ZNF804B: variants seen among roughly 807,000 people sequenced by gnomAD.
The protein encoded by ZNF804B is zinc finger protein 804B.
Under a neutral mutation model 101.4 loss-of-function variants are expected in ZNF804B, and 80 were observed. That is an observed-to-expected ratio of 0.79 (90% confidence interval 0.66 to 0.95). The LOEUF is 0.95. ZNF804B is among the 40% of genes least tolerant of loss of function. The probability of loss-of-function intolerance (pLI) is 0.00; values close to 1 mark genes in which losing one functional copy is unlikely to be tolerated. For synonymous variants in ZNF804B, 622 were observed against 558.8 expected, an observed-to-expected ratio of 1.11 and a Z score of -1.59; for missense variants, 1,673 against 1,561.9, an observed-to-expected ratio of 1.07 and a Z score of -1.20.
chr7:88,938,577 G>A (rs1793007520), intron 1 of ZNF804B, among the ~76,000 whole-genome samples: 1 of 151,886 alleles, frequency 6.6e-6, no homozygotes, highest in African/African-American at 2.4e-5. Flanking sequence ...TGATTTGTAG[G>A]GCATGACTCC....
chr7:89,026,288 G>A (rs985633645), intron 1 of ZNF804B, among the ~76,000 whole-genome samples: 1 of 152,136 alleles, frequency 6.6e-6, no homozygotes, highest in African/African-American at 2.4e-5. Context: ...GAATGGAACG[G>A]GGTTGCCCAT....
chr7:88,955,248 T>C (rs1584037299), intron 1 of ZNF804B, among the ~76,000 whole-genome samples: 1 of 151,746 alleles, frequency 6.6e-6, no homozygotes, highest in South Asian at 2.1e-4. Flanking sequence ...AAAATGAGTT[T>C]TTAAAGGATA....
intron 2 of ZNF804B, among the ~76,000 whole-genome samples, chr7:89,291,651 G>T (rs1406008946): frequency 6.6e-6 from 1 of 152,126 alleles, no homozygotes; most frequent in African/African-American, 2.4e-5. Flanking sequence ...CCTCAGAGGG[G>T]CAAGTCTAAA....
intron 1 of ZNF804B, among the ~76,000 whole-genome samples, chr7:88,885,837 C>T (rs1193380818): frequency 1.3e-5 from 2 of 151,794 alleles, no homozygotes. Flanking sequence ...AATCACCATA[C>T]ATTGTGTGCA....
rs1562812535 is a variant in ZNF804B at position 88,854,410 on chromosome 7, T to TTC, written c.108+94326_108+94327insTC. Among the ~76,000 whole-genome samples the TTC allele has an allele frequency of 6.4e-4, 85 of 132,670 alleles. 1 individual carries two copies. Among genetic ancestry groups the TTC allele is most frequent in the African/African-American group, 2.5e-3 (83 of 32,850 alleles). The allele number at this position is 132,670 out of a possible 152,430, so 87.0% of individuals were successfully genotyped here. ...GCATTTCTTTCTTTCTTTCTTTCTT[T>TTC]CTTCCTTTCTTTCTTTCTTTCTTTC... On this transcript the variant is annotated intron_variant, in intron 1 of 3. Coordinates refer to ENST00000333190, the MANE Select transcript of ZNF804B (RefSeq NM_181646.5).
chr7:89,067,937 T>C (rs1789479559), intron 1 of ZNF804B, among the ~76,000 whole-genome samples: 1 of 150,458 alleles, frequency 6.6e-6, no homozygotes, highest in African/African-American at 2.5e-5. Flanking sequence ...GCCTCACGAG[T>C]AGCTGGGACT....
intron 1 of ZNF804B, among the ~76,000 whole-genome samples, chr7:88,853,921 G>A (rs2115834348): frequency 6.6e-6 from 1 of 152,162 alleles, no homozygotes; most frequent in South Asian, 2.1e-4. Context: ...CTAATGATAA[G>A]ATTAAAACGT....
intron 2 of ZNF804B, among the ~76,000 whole-genome samples, chr7:89,260,925 G>A (rs1417316614): frequency 6.6e-6 from 1 of 152,104 alleles, no homozygotes; most frequent in Non-Finnish European, 1.5e-5. Flanking sequence ...GTTCGATGTT[G>A]TTCTTCAAGG....
At chr7:89,058,542 T>C (rs2116277667) in intron 1 of ZNF804B, among the ~76,000 whole-genome samples, 1 of 152,272 alleles carries the variant, frequency 6.6e-6, no homozygotes, top group South Asian at 2.1e-4. Context: ...AAACAAGCAT[T>C]TTTTAAGGTT....
At chr7:89,055,726 A>G (rs7788652) in intron 1 of ZNF804B, among the ~76,000 whole-genome samples, 117,649 of 151,996 alleles carry the variant, frequency 0.77, 45,625 homozygotes, top group African/African-American at 0.79. Flanking sequence ...CATTTGGAAA[A>G]TATGGCAGCC....
intron 1 of ZNF804B, among the ~76,000 whole-genome samples, chr7:89,138,115 C>G (rs547299348): frequency 6.6e-6 from 1 of 152,244 alleles, no homozygotes; most frequent in African/African-American, 2.4e-5. Context: ...ATGGAAACAC[C>G]TGGACATCCA....
At chr7:88,804,874 G>A (rs908708395) in intron 1 of ZNF804B, among the ~76,000 whole-genome samples, 23 of 152,214 alleles carry the variant, frequency 1.5e-4, no homozygotes, top group African/African-American at 5.5e-4. Context: ...TACTCCGTTT[G>A]CAATTAAGAA....
intron 1 of ZNF804B, among the ~76,000 whole-genome samples, chr7:89,161,247 C>T (rs570138810): frequency 1.3e-5 from 2 of 152,028 alleles, no homozygotes; most frequent in African/African-American, 4.8e-5. Context: ...GTCTCTAAAA[C>T]CCAGCAGGAT....
At chr7:89,101,830 A>G (rs969504044) in intron 1 of ZNF804B, among the ~76,000 whole-genome samples, 1 of 151,894 alleles carries the variant, frequency 6.6e-6, no homozygotes, top group African/African-American at 2.4e-5. Flanking sequence ...ATTATACCCA[A>G]TAGGTAATTT....
At chr7:89,256,998 G>T (rs1789640877) in intron 2 of ZNF804B, among the ~76,000 whole-genome samples, 1 of 152,122 alleles carries the variant, frequency 6.6e-6, no homozygotes, top group Non-Finnish European at 1.5e-5. Context: ...AAGAGAACAT[G>T]TATATGAAAC....
rs1253377823 is a variant in ZNF804B at position 89,131,846 on chromosome 7, C to T, written c.109-86309C>T. On this transcript the variant is annotated intron_variant, in intron 1 of 3. Transcript: ENST00000333190. Reference sequence around the variant, plus strand: ...TGTCTGAGTTTGAGGGTTCTGGAGACGTACTCAACCTGTTTCCCATTCAAG... The same window carrying T: ...TGTCTGAGTTTGAGGGTTCTGGAGATGTACTCAACCTGTTTCCCATTCAAG... 2.6e-5 allele frequency among the ~76,000 whole-genome samples: 4 copies of T among 151,964 alleles called. No homozygotes were observed. In the East Asian group the frequency reaches 5.8e-4, roughly 22 times the overall value.
chr7:88,835,806 G>A (rs1269094535), intron 1 of ZNF804B, among the ~76,000 whole-genome samples: 1 of 151,670 alleles, frequency 6.6e-6, no homozygotes, highest in African/African-American at 2.4e-5. Flanking sequence ...TTAATTATAA[G>A]CAAAATGAAA....
chr7:89,017,151 G>T (rs566813411), intron 1 of ZNF804B, among the ~76,000 whole-genome samples: 18 of 152,172 alleles, frequency 1.2e-4, no homozygotes, highest in Non-Finnish European at 2.5e-4. Context: ...TGCTATTGGT[G>T]TATAAGAATG....
chr7:89,212,292 C>G (rs967239915), intron 1 of ZNF804B, among the ~76,000 whole-genome samples: 1 of 146,658 alleles, frequency 6.8e-6, no homozygotes, highest in Non-Finnish European at 1.5e-5. Flanking sequence ...CACACACAAA[C>G]AGACTGCAGA....
Sources: gnomAD v4.1 joint callset for allele counts (sites outside exome capture counted in the v4.1 genomes callset) on GRCh38, gnomAD v4.1.1 for gene constraint, MANE v1.5 for transcripts, NCBI Gene and HGNC (gene_info 2026-07-23, HGNC 2026-07-21) for gene names.